The following DTNB variants were observed in gnomAD, a reference collection of about 807,000 sequenced individuals.
DTNB encodes DTN-B.
DTNB carries 63 observed loss-of-function variants against 90.7 expected under a neutral mutation model. The observed-to-expected ratio is 0.69, with a 90% CI of 0.57 to 0.86. The LOEUF (loss-of-function observed/expected upper bound fraction) is 0.86. Ranked by LOEUF, DTNB falls within the 40% of genes least tolerant of loss-of-function variation. The probability of loss-of-function intolerance (pLI) is 0.00; values close to 1 mark genes in which losing one functional copy is unlikely to be tolerated. For missense variants in DTNB, 744 were observed against 807.1 expected, an observed-to-expected ratio of 0.92 and a Z score of 0.95; for synonymous variants, 277 against 286.7, an observed-to-expected ratio of 0.97 and a Z score of 0.34.
At chr2:25,544,260 G>A (rs79465518) in intron 8 of DTNB, among the ~76,000 whole-genome samples, 1 of 152,320 alleles carries the variant, frequency 6.6e-6, no homozygotes. Flanking sequence ...GTGTGCTCCT[G>A]TGCCAGGGCT....
At chr2:25,628,407 T>G in intron 3 of DTNB, 23 bp from the exon 4 acceptor site, 1 of 1,599,118 alleles carries the variant, frequency 6.3e-7, no homozygotes, top group East Asian at 2.2e-5. Flanking sequence ...GAAAATAAAC[T>G]GTCAACAATT....
intron 8 of DTNB, among the ~76,000 whole-genome samples, chr2:25,575,190 A>G (rs534965108): frequency 9.2e-5 from 14 of 152,126 alleles, no homozygotes; most frequent in African/African-American, 3.4e-4. Context: ...CATGAAAGGT[A>G]AAACAGCAAA....
At chr2:25,426,373 T>A (rs1285384430) in intron 15 of DTNB, among the ~76,000 whole-genome samples, 8 of 152,222 alleles carry the variant, frequency 5.3e-5, no homozygotes, top group Non-Finnish European at 1.0e-4. Context: ...CTCTAGTTTG[T>A]ACAATTTAAT....
intron 3 of DTNB, among the ~76,000 whole-genome samples, chr2:25,637,710 C>G (rs1426586398): frequency 6.6e-6 from 1 of 152,190 alleles, no homozygotes; most frequent in African/African-American, 2.4e-5. Flanking sequence ...CAGGAAACAA[C>G]AGGTGCTGGA....
At chr2:25,490,760 G>A (rs748321707) in intron 9 of DTNB, among the ~76,000 whole-genome samples, 32 of 152,146 alleles carry the variant, frequency 2.1e-4, no homozygotes, top group Non-Finnish European at 4.0e-4. Context: ...GCAAGATGAT[G>A]ATGATAGCTA....
At chr2:25,397,794 C>T (rs571794327) in intron 16 of DTNB, among the ~76,000 whole-genome samples, 22 of 148,912 alleles carry the variant, frequency 1.5e-4, no homozygotes, top group Non-Finnish European at 2.7e-4. Context: ...GCAGGAGAAT[C>T]GCTTGAACCC....
At chr2:25,601,472 C>CA (rs2065865504) in intron 5 of DTNB, among the ~76,000 whole-genome samples, 1 of 152,002 alleles carries the variant, frequency 6.6e-6, no homozygotes, top group Non-Finnish European at 1.5e-5. Flanking sequence ...GTGTAATAAG[C>CA]AAAAAAATGC....
At chr2:25,664,547 C>T (rs925822001) in intron 1 of DTNB, among the ~76,000 whole-genome samples, 4 of 152,218 alleles carry the variant, frequency 2.6e-5, no homozygotes, top group African/African-American at 9.6e-5. Flanking sequence ...ACGTGACAGA[C>T]ATCATCAGAC....
intron 16 of DTNB, among the ~76,000 whole-genome samples, chr2:25,399,643 A>G (rs544441944): frequency 8.7e-4 from 54 of 62,048 alleles, no homozygotes; most frequent in African/African-American, 8.1e-3. Context: ...CCAGCCAACC[A>G]GTGAATCTTT....
chr2:25,533,940 T>TTTTATTTATTTATTTA (rs374077335), intron 8 of DTNB, among the ~76,000 whole-genome samples: 3 of 151,268 alleles, frequency 2.0e-5, no homozygotes, highest in African/African-American at 7.3e-5. Context: ...TTATTTTTAT[T>TTTTATTTATTTATTTA]TTTATTTATT....
At chr2:25,570,152 C>A (rs1459293331) in intron 8 of DTNB, among the ~76,000 whole-genome samples, 1 of 150,498 alleles carries the variant, frequency 6.6e-6, no homozygotes, top group African/African-American at 2.4e-5. Context: ...ATGGCTTATG[C>A]CTGTAATCCC....
Position 25,442,478 on chromosome 2 carries a change from T to G in DTNB, c.1258-8483A>C, listed in dbSNP as rs935188035. Among the ~76,000 whole-genome samples the G allele has an allele frequency of 5.9e-5, 9 of 152,304 alleles. No homozygotes were observed. In the East Asian group the frequency reaches 1.5e-3, roughly 26 times the overall value. On this transcript the variant is annotated intron_variant, in intron 12 of 20. Coordinates refer to ENST00000406818, the MANE Select transcript of DTNB (RefSeq NM_021907.5). ...GAACTGGGCTTAGGCAGCAGTAGTT[T>G]CAAAAACTTCTCGGGTGATTTCAAT...
At chr2:25,483,010 G>T (rs981300659) in intron 9 of DTNB, 137 bp from the exon 10 acceptor site, 3 of 825,260 alleles carry the variant, frequency 3.6e-6, no homozygotes, top group Middle Eastern at 2.4e-4. Flanking sequence ...GGAGGGGGGG[G>T]ACCCATGGGG....
At chr2:25,411,590 GGA>G (rs1553341262) in intron 16 of DTNB, among the ~76,000 whole-genome samples, 1 of 152,030 alleles carries the variant, frequency 6.6e-6, no homozygotes, top group African/African-American at 2.4e-5. Flanking sequence ...AAGGTTTGTG[GGA>G]GAGTCCTACG....
intron 12 of DTNB, among the ~76,000 whole-genome samples, chr2:25,434,329 A>G (rs904471555): frequency 2.0e-5 from 3 of 147,588 alleles, no homozygotes; most frequent in African/African-American, 7.6e-5. Flanking sequence ...ATAAACACAT[A>G]GTCTTTGGTT....
intron 9 of DTNB, among the ~76,000 whole-genome samples, chr2:25,501,361 C>G (rs552511329): frequency 6.6e-6 from 1 of 152,294 alleles, no homozygotes; most frequent in South Asian, 2.1e-4. Flanking sequence ...GGACTACAGA[C>G]ACATGCCACC....
At chr2:25,651,172 ATG>A (rs780554859) in intron 2 of DTNB, among the ~76,000 whole-genome samples, 9 of 152,248 alleles carry the variant, frequency 5.9e-5, no homozygotes, top group Non-Finnish European at 1.0e-4. Context: ...ATACTTAAGT[ATG>A]TGAGTGCCAG....
At chr2:25,556,167 TC>T (rs1559015528) in intron 8 of DTNB, among the ~76,000 whole-genome samples, 1 of 139,626 alleles carries the variant, frequency 7.2e-6, no homozygotes, top group Non-Finnish European at 1.5e-5. Flanking sequence ...TTTGGCCATC[TC>T]TCTTTTTTTT....
At chr2:25,448,246 T>C (rs1177227025) in intron 12 of DTNB, among the ~76,000 whole-genome samples, 2 of 152,178 alleles carry the variant, frequency 1.3e-5, no homozygotes, top group African/African-American at 2.4e-5. Context: ...GTTAGTTCCA[T>C]GAGGGCAGGA....
Sources: gnomAD v4.1 joint callset for allele counts (sites outside exome capture counted in the v4.1 genomes callset) on GRCh38, gnomAD v4.1.1 for gene constraint, MANE v1.5 for transcripts, NCBI Gene and HGNC (gene_info 2026-07-23, HGNC 2026-07-21) for gene names.